SHISA6: variants seen among roughly 807,000 people sequenced by gnomAD.
The protein encoded by SHISA6 is protein shisa-6.
SHISA6 carries 22 observed loss-of-function variants against 47.9 expected under a neutral mutation model. That is an observed-to-expected ratio of 0.46 (90% CI 0.33 to 0.66). SHISA6 has a LOEUF of 0.66. Ranked by LOEUF, SHISA6 falls within the 30% of genes least tolerant of loss-of-function variation. SHISA6 has a pLI of 0.02. For synonymous variants in SHISA6, 388 were observed against 337.8 expected (o/e 1.15, Z -1.63); for missense variants, 680 against 764.6 (o/e 0.89, Z 1.30).
intron 3 of SHISA6, among the ~76,000 whole-genome samples, chr17:11,454,345 C>T (rs976386387): frequency 1.3e-5 from 2 of 152,148 alleles, no homozygotes; most frequent in Non-Finnish European, 2.9e-5. Flanking sequence ...TGCCCACATC[C>T]GACATCCTCT....
intron 1 of SHISA6, among the ~76,000 whole-genome samples, chr17:11,256,931 T>A (rs918663710): frequency 1.3e-5 from 2 of 152,186 alleles, no homozygotes; most frequent in African/African-American, 2.4e-5. Flanking sequence ...ATGGAGAAAC[T>A]CGCTCGGCTT....
At chr17:11,275,224 C>T (rs887215456) in intron 2 of SHISA6, among the ~76,000 whole-genome samples, 7 of 150,734 alleles carry the variant, frequency 4.6e-5, no homozygotes, top group South Asian at 2.1e-4. Flanking sequence ...AGGTAGGGGT[C>T]GCTGCTGTGG....
At chr17:11,519,117 C>T (rs1044850520) in intron 3 of SHISA6, among the ~76,000 whole-genome samples, 9 of 152,206 alleles carry the variant, frequency 5.9e-5, no homozygotes, top group African/African-American at 2.2e-4. Context: ...CAGACTTTGC[C>T]TCTTCTCCTC....
At chr17:11,481,986 G>A (rs968218226) in intron 3 of SHISA6, among the ~76,000 whole-genome samples, 1 of 152,164 alleles carries the variant, frequency 6.6e-6, no homozygotes, top group African/African-American at 2.4e-5. Flanking sequence ...GAAGCGAAAG[G>A]ACTAAAAGAT....
chr17:11,532,736 G>C (rs1487592505), intron 3 of SHISA6, among the ~76,000 whole-genome samples: 4 of 133,750 alleles, frequency 3.0e-5, no homozygotes, highest in African/African-American at 1.1e-4. Flanking sequence ...CATTCTATCA[G>C]GGCTTTTTTT....
At chr17:11,475,907 TTGGGTC>T (rs1916040894) in intron 3 of SHISA6, among the ~76,000 whole-genome samples, 1 of 152,014 alleles carries the variant, frequency 6.6e-6, no homozygotes, top group African/African-American at 2.4e-5. Flanking sequence ...GTAAACCTAT[TTGGGTC>T]TGGTGACTTC....
chr17:11,487,958 A>G (rs1916391135), intron 3 of SHISA6, among the ~76,000 whole-genome samples: 1 of 152,188 alleles, frequency 6.6e-6, no homozygotes, highest in Non-Finnish European at 1.5e-5. Context: ...GCAAAAACCC[A>G]TTTAAATCCC....
intron 2 of SHISA6, among the ~76,000 whole-genome samples, chr17:11,332,578 A>C (rs377123411): frequency 2.0e-5 from 3 of 152,260 alleles, no homozygotes; most frequent in African/African-American, 7.2e-5. Context: ...ATTTGATGAA[A>C]GGGAGAGAAC....
rs546729923 is a variant in SHISA6 at position 11,266,086 on chromosome 17, T to C, written c.799+2560T>C. On this transcript the variant is annotated intron_variant, in intron 2 of 5. Transcript: ENST00000441885. ...CTTCTACAGATTATAATGGACACAA[T>C]GCTTTTCCAAGCAGTTGATATCCTT... Among the ~76,000 whole-genome samples the C allele has an allele frequency of 7.9e-5, 12 of 152,338 alleles. No individual in the cohort carries two copies. The South Asian group carries it at 2.1e-3, about 26-fold the overall frequency.
At chr17:11,242,150 C>T in intron 1 of SHISA6, 90 bp downstream of exon 1, 2 of 1,490,332 alleles carry the variant, frequency 1.3e-6, no homozygotes, top group South Asian at 2.4e-5. Flanking sequence ...TCGGCATCAT[C>T]ACACCTCCCC....
At chr17:11,455,053 A>C (rs181155145) in intron 3 of SHISA6, among the ~76,000 whole-genome samples, 2 of 152,180 alleles carry the variant, frequency 1.3e-5, no homozygotes, top group East Asian at 3.9e-4. Flanking sequence ...CCTGTAGTCC[A>C]AGCCACTCCA....
chr17:11,407,912 C>G (rs1296121985), intron 3 of SHISA6, among the ~76,000 whole-genome samples: 1 of 152,116 alleles, frequency 6.6e-6, no homozygotes, highest in Non-Finnish European at 1.5e-5. Context: ...CAGTTTTCAC[C>G]TTTTGTATAA....
At chr17:11,500,362 T>C (rs2071441223) in intron 3 of SHISA6, among the ~76,000 whole-genome samples, 1 of 152,202 alleles carries the variant, frequency 6.6e-6, no homozygotes, top group Admixed American at 6.5e-5. Context: ...GCCCTTCCCA[T>C]TGCAGTCTCT....
chr17:11,242,132 C>T (rs1907391395), intron 1 of SHISA6, 72 bp downstream of exon 1: 1 of 1,533,642 alleles, frequency 6.5e-7, no homozygotes, highest in Non-Finnish European at 8.8e-7. Flanking sequence ...CCCCTGTCCT[C>T]TTCACTCTCG....
At chr17:11,510,216 T>C (rs2142353976) in intron 3 of SHISA6, among the ~76,000 whole-genome samples, 1 of 152,158 alleles carries the variant, frequency 6.6e-6, no homozygotes, top group Non-Finnish European at 1.5e-5. Flanking sequence ...ACAGATTATA[T>C]GTCACTTTCT....
intron 2 of SHISA6, among the ~76,000 whole-genome samples, chr17:11,265,987 A>T (rs1001166173): frequency 6.6e-6 from 1 of 152,230 alleles, no homozygotes; most frequent in Admixed American, 6.5e-5. Flanking sequence ...TAGAGATGGG[A>T]ATAGTATCCT....
At chr17:11,511,456 A>T (rs1219854270) in intron 3 of SHISA6, among the ~76,000 whole-genome samples, 2 of 151,990 alleles carry the variant, frequency 1.3e-5, no homozygotes, top group Admixed American at 6.6e-5. Context: ...GTAAATTTTT[A>T]AAAAATAAAT....
In SHISA6 at chr17:11,242,045, A is replaced by C. The variant is rs751250633; in HGVS notation, c.623A>C (p.Glu208Ala). 35 of 1,550,556 alleles carry C rather than the reference A, an allele frequency of 2.3e-5. No homozygotes were observed. The South Asian group carries it at 3.8e-4, about 17-fold the overall frequency. Residue 208 changes from glutamate (E) to alanine (A), a missense_variant, in exon 1 of 6, where the codon GAG becomes GCG. By Grantham distance (107) the Glu-to-Ala change is moderately radical (BLOSUM62 -1). Around this residue, in one of 2 missense-constraint regions of SHISA6, gnomAD observed 559 missense variants for 674.1 expected, o/e 0.83. Coordinates refer to ENST00000441885, the MANE Select transcript of SHISA6 (RefSeq NM_207386.4). ...GACAAGGCCCACCGCCCTCCACGGG[A>C]GATGAACATCCACAGGTGAGAGCGC... The part of the protein sequence containing the change: ...SYDKAHRPPR[E>A]MNIHRALADI...
chr17:11,260,877 G>T (rs1340318836), intron 1 of SHISA6, among the ~76,000 whole-genome samples: 1 of 151,844 alleles, frequency 6.6e-6, no homozygotes, highest in African/African-American at 2.4e-5. Context: ...CACTCTCCCT[G>T]TTGTTCTCTC....
Sources: allele counts gnomAD v4.1 joint callset (sites outside exome capture counted in the v4.1 genomes callset), GRCh38; gene constraint gnomAD v4.1.1; regional missense constraint gnomAD v4.1.1; transcripts MANE v1.5; gene names NCBI Gene and HGNC (gene_info 2026-07-23, HGNC 2026-07-21).